Variants in CSMD1 observed in about 807,000 individuals in gnomAD.
CSMD1 encodes the protein CUB and sushi domain-containing protein 1.
Under a neutral mutation model 417.5 loss-of-function variants are expected in CSMD1, and 213 were observed. The observed-to-expected ratio is 0.51, with a 90% CI of 0.46 to 0.57. The LOEUF (loss-of-function observed/expected upper bound fraction) is 0.57. Ranked by LOEUF, CSMD1 falls within the 20% of genes least tolerant of loss-of-function variation. CSMD1 has a pLI of 0.00. For missense variants in CSMD1, 6,923 were observed against 4,529.7 expected (o/e 1.53, Z -15.17); for synonymous variants, 2,862 against 1,736.8 (o/e 1.65, Z -16.11).
intron 3 of CSMD1, among the ~76,000 whole-genome samples, chr8:4,236,915 A>C (rs542046156): frequency 6.6e-6 from 1 of 152,236 alleles, no homozygotes; most frequent in African/African-American, 2.4e-5. Context: ...CCTCTCAGCT[A>C]AAATTGTAAT....
In CSMD1 at chr8:4,456,976, G is replaced by GTTT. The variant is rs376227990; in HGVS notation, c.303-36914_303-36912dup. Among the ~76,000 whole-genome samples the GTTT allele has an allele frequency of 6.6e-3, 896 of 136,766 alleles. 34 individuals are homozygous for GTTT. The highest frequency in any genetic ancestry group is 0.058 in the Admixed American group (797 of 13,720). 89.7% of individuals were successfully genotyped at this position (136,766 alleles called of 152,430 possible). A position where few individuals can be genotyped will look rare whatever the true frequency, so the allele number is the denominator to read the frequency against. Reference sequence around the variant, plus strand: ...TTTACAAGAGATTTTGATGAGTGTGGTTTTTTTTTAAAAAAAAAAAAAACA... The same window carrying GTTT: ...TTTACAAGAGATTTTGATGAGTGTGGTTTTTTTTTTTTAAAAAAAAAAAAAACA... On this transcript the variant is annotated intron_variant, in intron 2 of 69. Transcript: ENST00000635120.
intron 2 of CSMD1, among the ~76,000 whole-genome samples, chr8:4,582,030 G>C (rs553588363): frequency 6.6e-6 from 1 of 152,156 alleles, no homozygotes; most frequent in South Asian, 2.1e-4. Context: ...AAACAGCATC[G>C]CAGAGAGAGA....
intron 3 of CSMD1, among the ~76,000 whole-genome samples, chr8:4,106,500 T>C (rs2194604): frequency 0.68 from 103,882 of 151,944 alleles, 36,013 homozygotes; most frequent in South Asian, 0.8. Context: ...CCCTGTTCAA[T>C]AGAAACAGAA....
At chr8:3,174,941 G>A (rs1820812138) in intron 37 of CSMD1, among the ~76,000 whole-genome samples, 1 of 151,686 alleles carries the variant, frequency 6.6e-6, no homozygotes, top group Admixed American at 6.6e-5. Flanking sequence ...GATCTTATTT[G>A]TTCATGACAT....
chr8:4,000,699 T>C (rs960060272), intron 4 of CSMD1, among the ~76,000 whole-genome samples: 5 of 152,116 alleles, frequency 3.3e-5, no homozygotes, highest in Non-Finnish European at 7.4e-5. Flanking sequence ...ATCACACACA[T>C]TAATATTTCC....
chr8:4,303,346 T>A (rs1370882821), intron 3 of CSMD1, among the ~76,000 whole-genome samples: 9 of 151,518 alleles, frequency 5.9e-5, no homozygotes, highest in African/African-American at 2.2e-4. Context: ...AAAATTAGCA[T>A]CTTCCATCAC....
In CSMD1 at chr8:3,166,803, C is replaced by T. The variant is rs59148405; in HGVS notation, c.5726-4526G>A. Among the ~76,000 whole-genome samples the T allele has an allele frequency of 3.5e-3, 527 of 152,136 alleles. 4 individuals carry two copies. Among genetic ancestry groups the T allele is most frequent in the African/African-American group, 0.012 (502 of 41,498 alleles). On this transcript the variant is annotated intron_variant, in intron 37 of 69. Coordinates refer to ENST00000635120, the MANE Select transcript of CSMD1 (RefSeq NM_033225.6). ...GGCAGACTAAAAAGAACTCACAAAA[C>T]GTAACTATGATAGGAAAATTCTAGA...
At chr8:3,177,152 T>C (rs1820985886) in intron 37 of CSMD1, among the ~76,000 whole-genome samples, 1 of 151,968 alleles carries the variant, frequency 6.6e-6, no homozygotes, top group Non-Finnish European at 1.5e-5. Context: ...AGCAAAACAA[T>C]GGGGAAAGGC....
chr8:3,962,358 C>G (rs552976947), intron 5 of CSMD1, among the ~76,000 whole-genome samples: 33 of 152,242 alleles, frequency 2.2e-4, no homozygotes, highest in African/African-American at 7.9e-4. Flanking sequence ...GTACAGTGCA[C>G]TAGAGCAGAG....
In CSMD1 at chr8:4,185,637, G is replaced by T. The variant is rs140804877; in HGVS notation, c.416-153538C>A. Among the ~76,000 whole-genome samples the T allele has an allele frequency of 1.8e-3, 270 of 152,284 alleles. 1 individual carries two copies. The highest frequency in any genetic ancestry group is 6.3e-3 in the African/African-American group (262 of 41,558). ...ATTGCACGTTATTTAAATAGCTAAT[G>T]TAAAAAGTGACACATTTTAACATAG... On this transcript the variant is annotated intron_variant, in intron 3 of 69. Coordinates refer to ENST00000635120, the MANE Select transcript of CSMD1 (RefSeq NM_033225.6).
intron 3 of CSMD1, among the ~76,000 whole-genome samples, chr8:4,313,411 G>C (rs10098267): frequency 0.27 from 40,189 of 150,870 alleles, 6,087 homozygotes; most frequent in African/African-American, 0.42. Context: ...TTAGTGTGAA[G>C]ATGCCTGACG....
intron 10 of CSMD1, among the ~76,000 whole-genome samples, chr8:3,543,422 G>C (rs373807217): frequency 1.3e-5 from 2 of 152,308 alleles, no homozygotes; most frequent in South Asian, 2.1e-4. Context: ...ACAGGGGCAA[G>C]TGCAGAAGGG....
rs1206165149 is a variant in CSMD1 at position 4,266,004 on chromosome 8, G to C, written c.415+153949C>G. Among the ~76,000 whole-genome samples the C allele has an allele frequency of 4.8e-5, 5 of 103,762 alleles. 1 individual carries two copies. The highest frequency in any genetic ancestry group is 1.3e-4 in the African/African-American group (5 of 38,054). The allele number at this position is 103,762 out of a possible 152,430, so 68.1% of individuals were successfully genotyped here. On this transcript the variant is annotated intron_variant, in intron 3 of 69. Coordinates refer to ENST00000635120, the MANE Select transcript of CSMD1 (RefSeq NM_033225.6). ...CTTTGTGTGCGTTTGGGCTGTGTAA[G>C]TCATCCCAAACCGGCCCACCGCACT...
chr8:4,194,625 A>G (rs1799223688), intron 3 of CSMD1, among the ~76,000 whole-genome samples: 1 of 152,198 alleles, frequency 6.6e-6, no homozygotes. Flanking sequence ...GTAATCATAC[A>G]TCTCCCACAT....
intron 1 of CSMD1, among the ~76,000 whole-genome samples, chr8:4,967,594 G>C (rs973929975): frequency 2.2e-4 from 33 of 152,086 alleles, no homozygotes; most frequent in Non-Finnish European, 7.3e-5. Flanking sequence ...AATTTTAACA[G>C]AGTTGTAACA....
chr8:4,920,888 AAAG>A, intron 1 of CSMD1, among the ~76,000 whole-genome samples: 1 of 68,006 alleles, frequency 1.5e-5, no homozygotes, highest in Non-Finnish European at 3.6e-5. Context: ...AAAGAAAAGA[AAAG>A]AAAAGAAAAG....
At chr8:4,879,993 T>C (rs1803292689) in intron 1 of CSMD1, among the ~76,000 whole-genome samples, 1 of 152,152 alleles carries the variant, frequency 6.6e-6, no homozygotes, top group South Asian at 2.1e-4. Flanking sequence ...ATATTATATC[T>C]GAATCATCCA....
At chr8:4,088,764 A>G (rs992486683) in intron 3 of CSMD1, among the ~76,000 whole-genome samples, 1 of 152,000 alleles carries the variant, frequency 6.6e-6, no homozygotes, top group African/African-American at 2.4e-5. Flanking sequence ...ATTTATTCCA[A>G]CAGCCTCAGC....
intron 1 of CSMD1, among the ~76,000 whole-genome samples, chr8:4,842,395 A>C (rs927954338): frequency 6.6e-6 from 1 of 152,202 alleles, no homozygotes; most frequent in Non-Finnish European, 1.5e-5. Flanking sequence ...CCCCTTTTGC[A>C]ATCTTTAAAA....
Sources: allele counts gnomAD v4.1 joint callset (sites outside exome capture counted in the v4.1 genomes callset), GRCh38; gene constraint gnomAD v4.1.1; transcripts MANE v1.5; gene names NCBI Gene and HGNC (gene_info 2026-07-23, HGNC 2026-07-21).